Variants in R3HDM2 observed in about 807,000 individuals in gnomAD.
R3HDM2 encodes the protein R3H domain containing 2.
A neutral mutation model predicts 124.5 loss-of-function variants in R3HDM2; 38 were observed. That is an observed-to-expected ratio of 0.31 (90% confidence interval 0.24 to 0.40). The LOEUF is 0.40. Ranked by LOEUF, R3HDM2 falls within the 10% of genes least tolerant of loss-of-function variation. The probability of loss-of-function intolerance (pLI) is 1.00; values close to 1 mark genes in which losing one functional copy is unlikely to be tolerated. For missense variants in R3HDM2, 869 were observed against 1,236.9 expected, an observed-to-expected ratio of 0.70 and a Z score of 4.46; for synonymous variants, 391 against 448.0, an observed-to-expected ratio of 0.87 and a Z score of 1.61.
chr12:57,267,035 T>C, intron 18 of R3HDM2: 2 of 458,440 alleles, frequency 4.4e-6, no homozygotes, highest in South Asian at 4.5e-5. Flanking sequence ...ATCTTTCAAT[T>C]AGGAAGCTGC....
At chr12:57,338,034 T>C (rs1253056055) in intron 2 of R3HDM2, among the ~76,000 whole-genome samples, 1 of 152,256 alleles carries the variant, frequency 6.6e-6, no homozygotes, top group Non-Finnish European at 1.5e-5. Flanking sequence ...CCGGGTGCAG[T>C]GGCTCACGCC....
chr12:57,300,061 G>T, intron 5 of R3HDM2, 34 bp downstream of exon 5: 1 of 1,486,512 alleles, frequency 6.7e-7, no homozygotes, highest in Non-Finnish European at 9.2e-7. Context: ...ACTGCCAAGC[G>T]CAAAAGCTAC....
Position 57,291,974 on chromosome 12 carries a change from G to T in R3HDM2, c.906+598C>A, listed in dbSNP as rs187771584. On this transcript the variant is annotated intron_variant, in intron 11 of 23. Coordinates refer to ENST00000402412, the MANE Select transcript of R3HDM2 (RefSeq NM_001394031.1). Reference sequence around the variant, plus strand: ...TGTTGGCTTTTAGCCCTAGGAGCTAGTCCTGTTGTAGGAAGCAAGGTAAGA... The same window carrying T: ...TGTTGGCTTTTAGCCCTAGGAGCTATTCCTGTTGTAGGAAGCAAGGTAAGA... Among the ~76,000 whole-genome samples the T allele has an allele frequency of 8.5e-5, 13 of 152,338 alleles. No homozygotes were observed. In the East Asian group the frequency reaches 2.1e-3, roughly 25 times the overall value.
intron 1 of R3HDM2, among the ~76,000 whole-genome samples, chr12:57,421,210 G>C (rs1392761953): frequency 7.1e-6 from 1 of 141,688 alleles, no homozygotes; most frequent in Non-Finnish European, 1.5e-5. Flanking sequence ...TGTTGCCCAG[G>C]CTGGTGTCTC....
chr12:57,358,453 A>G (rs1039775379), intron 2 of R3HDM2, among the ~76,000 whole-genome samples: 1 of 152,048 alleles, frequency 6.6e-6, no homozygotes, highest in African/African-American at 2.4e-5. Context: ...GCTGGCCAAT[A>G]TGGCAAAACC....
At chr12:57,283,496 T>C (rs1216399631) in intron 13 of R3HDM2, among the ~76,000 whole-genome samples, 1 of 152,146 alleles carries the variant, frequency 6.6e-6, no homozygotes, top group Non-Finnish European at 1.5e-5. Flanking sequence ...CCCAGCACTT[T>C]AGGAGGCTGA....
At chr12:57,374,967 G>C (rs2063858400) in intron 2 of R3HDM2, among the ~76,000 whole-genome samples, 1 of 150,948 alleles carries the variant, frequency 6.6e-6, no homozygotes, top group African/African-American at 2.4e-5. Flanking sequence ...CTGCACTCCA[G>C]CCTGGGTGAC....
At chr12:57,360,360 T>G (rs1800879149) in intron 2 of R3HDM2, among the ~76,000 whole-genome samples, 1 of 151,942 alleles carries the variant, frequency 6.6e-6, no homozygotes, top group African/African-American at 2.4e-5. Flanking sequence ...TTTTGGAGAT[T>G]TGCAACAATT....
At chr12:57,259,374 G>A (rs191670785) in intron 19 of R3HDM2, among the ~76,000 whole-genome samples, 1 of 152,356 alleles carries the variant, frequency 6.6e-6, no homozygotes, top group East Asian at 1.9e-4. Flanking sequence ...CAAATGCCCA[G>A]GTCAGATTGC....
chr12:57,374,267 C>T (rs987990428), intron 2 of R3HDM2, among the ~76,000 whole-genome samples: 4 of 151,918 alleles, frequency 2.6e-5, no homozygotes, highest in African/African-American at 7.3e-5. Context: ...TACAGGGACC[C>T]GTGATCGTGC....
intron 2 of R3HDM2, among the ~76,000 whole-genome samples, chr12:57,331,821 GGA>G (rs1169990177): frequency 1.3e-5 from 2 of 151,874 alleles, no homozygotes; most frequent in Admixed American, 6.6e-5. Flanking sequence ...GGCTGAGGCA[GGA>G]GAATGACATG....
At chr12:57,421,635 T>C (rs747591942) in intron 1 of R3HDM2, among the ~76,000 whole-genome samples, 16 of 151,470 alleles carry the variant, frequency 1.1e-4, no homozygotes, top group Non-Finnish European at 2.1e-4. Flanking sequence ...GCCTCCCAAA[T>C]AGCTGGGACT....
intron 1 of R3HDM2, among the ~76,000 whole-genome samples, chr12:57,402,590 G>A (rs986035742): frequency 5.3e-5 from 8 of 152,078 alleles, no homozygotes; most frequent in African/African-American, 1.4e-4. Flanking sequence ...CCAAAATGGC[G>A]AAACCCCATC....
At chr12:57,325,476 T>G (rs548934493) in intron 2 of R3HDM2, among the ~76,000 whole-genome samples, 36 of 152,300 alleles carry the variant, frequency 2.4e-4, no homozygotes, top group South Asian at 1.2e-3. Context: ...CCTGAGATGA[T>G]ACCAGAGTGG....
intron 2 of R3HDM2, among the ~76,000 whole-genome samples, chr12:57,334,660 T>C (rs2058630033): frequency 1.3e-5 from 2 of 152,036 alleles, no homozygotes; most frequent in Admixed American, 1.3e-4. Flanking sequence ...ACCCTGGAGA[T>C]TTTTCCTTGT....
intron 6 of R3HDM2, among the ~76,000 whole-genome samples, chr12:57,299,039 T>C (rs190868850): frequency 6.6e-6 from 1 of 152,286 alleles, no homozygotes; most frequent in East Asian, 1.9e-4. Flanking sequence ...ATAAATGGCA[T>C]CTGGAGGATT....
intron 1 of R3HDM2, among the ~76,000 whole-genome samples, chr12:57,399,733 C>T (rs569651740): frequency 2.2e-4 from 33 of 152,308 alleles, no homozygotes; most frequent in African/African-American, 7.2e-4. Context: ...ATCTGAAAAA[C>T]AGCCACATGC....
intron 1 of R3HDM2, among the ~76,000 whole-genome samples, chr12:57,396,852 G>A (rs1038631858): frequency 6.6e-6 from 1 of 152,004 alleles, no homozygotes; most frequent in East Asian, 1.9e-4. Flanking sequence ...TTTACTTTGG[G>A]AGGCCAAAGC....
At position 57,253,775 on chromosome 12, in the gene R3HDM2, A is replaced by ATT; in HGVS notation, c.*996_*997dup. ...AACAGTGACTGATGTCCAGTGACAG[A>ATT]TTTTTTTTTTTATATTTAAAAACAA... On this transcript the variant is annotated 3_prime_UTR_variant, in exon 24 of 24. Transcript: ENST00000402412. 4 of 180,926 alleles carry ATT rather than the reference A, an allele frequency of 2.2e-5. No individual in the cohort carries two copies. Among genetic ancestry groups the ATT allele is most frequent in the Non-Finnish European group, 4.5e-5 (4 of 89,550 alleles). The allele number at this position is 180,926 out of a possible 1,614,324, so 11.2% of individuals were successfully genotyped here.
Sources: allele counts gnomAD v4.1 joint callset (sites outside exome capture counted in the v4.1 genomes callset), GRCh38; gene constraint gnomAD v4.1.1; transcripts MANE v1.5; gene names NCBI Gene and HGNC (gene_info 2026-07-23, HGNC 2026-07-21).